INPP5D: variants seen among roughly 807,000 people sequenced by gnomAD.
INPP5D encodes the protein phosphatidylinositol 3,4,5-trisphosphate 5-phosphatase 1.
In INPP5D, 33 loss-of-function variants were observed where a neutral mutation model predicts 122.9. That is an observed-to-expected ratio of 0.27 (90% CI 0.20 to 0.36). INPP5D has a LOEUF of 0.36. Ranked by LOEUF, INPP5D falls within the 10% of genes least tolerant of loss-of-function variation. INPP5D has a pLI of 1.00. For synonymous variants in INPP5D, 584 were observed against 576.2 expected, an observed-to-expected ratio of 1.01 and a Z score of -0.19; for missense variants, 1,053 against 1,412.7, an observed-to-expected ratio of 0.75 and a Z score of 4.08.
chr2:233,127,471 T>C (rs528743530), intron 4 of INPP5D, among the ~76,000 whole-genome samples: 2 of 152,386 alleles, frequency 1.3e-5, no homozygotes, highest in East Asian at 3.9e-4. Context: ...TTTCTTTAAA[T>C]GACAACTTGC....
At position 233,204,130 on chromosome 2, in the gene INPP5D, A is replaced by G; in HGVS notation, c.2980A>G (p.Ser994Gly). Residue 994 changes from serine to glycine, a missense_variant, in exon 26 of 27, where the codon AGT (serine) becomes GGT (glycine). Ser to Gly is a moderately conservative substitution (Grantham distance 56). Transcript: ENST00000445964. ...LPPRTQESRP[S>G]DLGKNAGDTL... ...CTGCTCTGTCCCTGGCTCTAGGCCC[A>G]GTGACCTGGGGAAGAACGCAGGGGA... is the stretch of plus-strand genomic sequence containing the variant. 1 of 1,543,912 alleles carries G rather than the reference A, an allele frequency of 6.5e-7. No homozygotes were observed. Among genetic ancestry groups the G allele is most frequent in the Non-Finnish European group, 8.7e-7 (1 of 1,143,988 alleles).
intron 2 of INPP5D, 108 bp from the exon 3 acceptor site, chr2:233,121,999 T>C: frequency 7.8e-7 from 1 of 1,282,502 alleles, no homozygotes; most frequent in Admixed American, 1.9e-5. Flanking sequence ...TTTTCCTGGA[T>C]CGCAGTCACT....
In INPP5D at chr2:233,193,814, G is replaced by A; in HGVS notation, c.2449G>A (p.Glu817Lys). The A allele has an allele frequency of 1.9e-6, 3 of 1,613,904 alleles. No homozygotes were observed. The highest frequency in any genetic ancestry group is 2.5e-6 in the Non-Finnish European group (3 of 1,179,896). ...GCTGTCTCCCACTTTCCCTGCAGGC[G>A]AGGGCTGCATTGCCCTTCGGTTAGA... ...KSSDSDESYG[E>K]GCIALRLEAT... The change falls in exon 23 of 27, where the codon GAG (glutamate) becomes AAG (lysine). Residue 817 changes from glutamate (E) to lysine (K), a missense_variant and splice_region_variant. Transcript: ENST00000445964.
intron 1 of INPP5D, among the ~76,000 whole-genome samples, chr2:233,072,143 C>A (rs1034082782): frequency 6.6e-6 from 1 of 152,168 alleles, no homozygotes; most frequent in Non-Finnish European, 1.5e-5. Flanking sequence ...CCTCTGTCAC[C>A]TAGTTACCAC....
In INPP5D at chr2:233,188,755, G is replaced by A. The variant is rs1694980856; in HGVS notation, c.2359-1095G>A. Among the ~76,000 whole-genome samples the A allele has an allele frequency of 6.6e-6, 1 of 152,140 alleles. No individual in the cohort carries two copies. The highest frequency in any genetic ancestry group is 1.5e-5 in the Non-Finnish European group (1 of 68,014). ...TTCTGTATTTTTTAGTAGAGACGGG[G>A]TTTCACCATGTTGGCCAGGCTGGTC... is the stretch of plus-strand genomic sequence containing the variant. On this transcript the variant is annotated intron_variant, in intron 21 of 26. Transcript: ENST00000445964. The surrounding 1 kb of genome is among the most constrained non-coding windows in gnomAD (Gnocchi z 4.7).
chr2:233,153,720 T>C (rs1405611046), intron 9 of INPP5D, among the ~76,000 whole-genome samples: 2 of 152,156 alleles, frequency 1.3e-5, no homozygotes, highest in South Asian at 2.1e-4. Flanking sequence ...CAGTGGCTCC[T>C]CCTCACTCCT....
chr2:233,073,958 C>T (rs1017484667), intron 1 of INPP5D, among the ~76,000 whole-genome samples: 1 of 152,146 alleles, frequency 6.6e-6, no homozygotes, highest in Non-Finnish European at 1.5e-5. Flanking sequence ...AGTGGTCTCT[C>T]GAATCTTCCT....
At chr2:233,131,488 G>A (rs1209794121) in intron 5 of INPP5D, among the ~76,000 whole-genome samples, 1 of 151,480 alleles carries the variant, frequency 6.6e-6, no homozygotes, top group Non-Finnish European at 1.5e-5. Flanking sequence ...CCTGAGGTCA[G>A]CAGTTTGAGA....
At chr2:233,121,877 T>A (rs1415584343) in intron 2 of INPP5D, among the ~76,000 whole-genome samples, 1 of 151,996 alleles carries the variant, frequency 6.6e-6, no homozygotes, top group Non-Finnish European at 1.5e-5. Flanking sequence ...GAAAAACAGA[T>A]CTTAGGAACG....
chr2:233,184,886 G>A (rs1694872267), intron 20 of INPP5D, among the ~76,000 whole-genome samples: 1 of 151,992 alleles, frequency 6.6e-6, no homozygotes, highest in Admixed American at 6.5e-5. Context: ...AGACCTCAAA[G>A]AGCCGGTGTG....
intron 1 of INPP5D, among the ~76,000 whole-genome samples, chr2:233,064,847 C>T (rs895587662): frequency 6.6e-5 from 10 of 152,244 alleles, no homozygotes; most frequent in Admixed American, 5.9e-4. Flanking sequence ...GAGCGGGTGG[C>T]TAAGTCTCCC....
chr2:233,078,802 C>A lies in INPP5D; in HGVS notation c.135-533C>A, dbSNP rs760028788. ...GGTTCAAGTGATTCTTTTGCCTCAGCCTCCCAAGTAGCTGGGACTACAGGT... is the reference window on the plus strand; with the variant it reads ...GGTTCAAGTGATTCTTTTGCCTCAGACTCCCAAGTAGCTGGGACTACAGGT... On this transcript the variant is annotated intron_variant, in intron 1 of 26. Coordinates refer to ENST00000445964, the MANE Select transcript of INPP5D (RefSeq NM_001017915.3). The surrounding 1 kb of genome is among the most constrained non-coding windows in gnomAD (Gnocchi z 4.6). Among the ~76,000 whole-genome samples the A allele has an allele frequency of 6.6e-6, 1 of 152,136 alleles. No individual in the cohort carries two copies. Among genetic ancestry groups the A allele is most frequent in the Non-Finnish European group, 1.5e-5 (1 of 68,028 alleles).
intron 2 of INPP5D, among the ~76,000 whole-genome samples, chr2:233,102,782 G>A (rs999039487): frequency 2.6e-5 from 4 of 151,110 alleles, no homozygotes; most frequent in Admixed American, 6.6e-5. Flanking sequence ...CCCGGGAAGC[G>A]GAGCTTGCAG....
chr2:233,130,786 C>T (rs1693302172), intron 5 of INPP5D, 138 bp downstream of exon 5: 4 of 908,842 alleles, frequency 4.4e-6, no homozygotes, highest in Non-Finnish European at 3.5e-6. Context: ...GTGAGCACAG[C>T]TTGGAAATCT....
At position 233,128,265 on chromosome 2, in the gene INPP5D, G is replaced by T. The variant is rs930495572; in HGVS notation, c.525-2243G>T. ...ACAACCATCCCCCCACCACCCATCCGTGGAATAATTGTCTTCCACAAAACC... is the reference window on the plus strand; with the variant it reads ...ACAACCATCCCCCCACCACCCATCCTTGGAATAATTGTCTTCCACAAAACC... On this transcript the variant is annotated intron_variant, in intron 4 of 26. Coordinates refer to ENST00000445964, the MANE Select transcript of INPP5D (RefSeq NM_001017915.3). This position sits in a 1 kb window ranked among gnomAD's most constrained non-coding sequence, Gnocchi z 4.5. 6.6e-6 allele frequency among the ~76,000 whole-genome samples: 1 copy of T among 152,132 alleles called. No homozygotes were observed. The highest frequency in any genetic ancestry group is 2.1e-4 in the South Asian group (1 of 4,822).
At chr2:233,145,884 G>A (rs557454593) in intron 6 of INPP5D, 5 of 609,672 alleles carry the variant, frequency 8.2e-6, no homozygotes, top group African/African-American at 1.8e-5. Flanking sequence ...GACAGTCCTC[G>A]AGTTTTGTTT....
At chr2:233,181,523 T>C (rs999231717) in intron 18 of INPP5D, among the ~76,000 whole-genome samples, 1 of 152,176 alleles carries the variant, frequency 6.6e-6, no homozygotes, top group Non-Finnish European at 1.5e-5. Context: ...ATCTCCAGCC[T>C]TGAGTGCCCA....
At chr2:233,126,023 A>G in intron 4 of INPP5D, 104 bp downstream of exon 4, 1 of 1,136,482 alleles carries the variant, frequency 8.8e-7, no homozygotes, top group Non-Finnish European at 1.2e-6. Flanking sequence ...CCTGGTGACC[A>G]GAGGGAGATG....
At chr2:233,178,451 G>A (rs1694700865) in intron 18 of INPP5D, among the ~76,000 whole-genome samples, 1 of 143,890 alleles carries the variant, frequency 6.9e-6, no homozygotes, top group African/African-American at 2.8e-5. Context: ...TGAGAATTGT[G>A]GTATTTTATT....
Sources: gnomAD v4.1 joint callset for allele counts (sites outside exome capture counted in the v4.1 genomes callset) on GRCh38, gnomAD v4.1.1 for gene constraint, Gnocchi (gnomAD v3.1) non-coding constraint, MANE v1.5 for transcripts, NCBI Gene and HGNC (gene_info 2026-07-23, HGNC 2026-07-21) for gene names.